PRUNE2: variants seen among roughly 807,000 people sequenced by gnomAD.
PRUNE2 encodes the protein protein prune homolog 2.
A neutral mutation model predicts 252.0 loss-of-function variants in PRUNE2; 164 were observed. The observed-to-expected ratio is 0.65, with a 90% CI of 0.57 to 0.74. The LOEUF is 0.74. Ranked by LOEUF, PRUNE2 falls within the 30% of genes least tolerant of loss-of-function variation. PRUNE2 has a pLI of 0.00. For missense variants in PRUNE2, 3,495 were observed against 3,711.0 expected (o/e 0.94, Z 1.51); for synonymous variants, 1,292 against 1,350.2 (o/e 0.96, Z 0.94).
chr9:76,789,994 G>A (rs1230550401), intron 6 of PRUNE2, among the ~76,000 whole-genome samples: 1 of 152,168 alleles, frequency 6.6e-6, no homozygotes, highest in Non-Finnish European at 1.5e-5. Flanking sequence ...AAAGGTAGTA[G>A]GGGTGGGGCC....
chr9:76,817,235 T>A (rs181569466), intron 6 of PRUNE2, among the ~76,000 whole-genome samples: 1 of 152,246 alleles, frequency 6.6e-6, no homozygotes, highest in Non-Finnish European at 1.5e-5. Flanking sequence ...TTCTAATTAG[T>A]CTTGCATGCT....
intron 1 of PRUNE2, among the ~76,000 whole-genome samples, chr9:76,867,149 AC>A (rs1430637391): frequency 1.3e-5 from 2 of 151,956 alleles, no homozygotes; most frequent in Non-Finnish European, 2.9e-5. Context: ...CATCCCACGC[AC>A]CTTTCTCCTC....
Position 76,848,278 on chromosome 9 carries a change from G to C in PRUNE2, c.345-1600C>G, listed in dbSNP as rs115701338. Among the ~76,000 whole-genome samples the C allele has an allele frequency of 8.8e-3, 1,335 of 152,194 alleles. 21 individuals carry two copies. Among genetic ancestry groups the C allele is most frequent in the African/African-American group, 0.03 (1,244 of 41,542 alleles). On this transcript the variant is annotated intron_variant, in intron 3 of 18. Transcript: ENST00000376718. ...GAATCCATCTCAAAAAAAGAAAAAA[G>C]AAATAGTTAACATGTAAATTTAGTC...
intron 11 of PRUNE2, among the ~76,000 whole-genome samples, chr9:76,646,130 G>C (rs1188523901): frequency 6.6e-6 from 1 of 152,152 alleles, no homozygotes; most frequent in African/African-American, 2.4e-5. Context: ...CAAAGAGACT[G>C]TGAGTCCCCT....
chr9:76,625,887 G>C (rs1269380567), intron 16 of PRUNE2, among the ~76,000 whole-genome samples: 1 of 152,036 alleles, frequency 6.6e-6, no homozygotes, highest in African/African-American at 2.4e-5. Context: ...TCCAAGCATA[G>C]GGCTGAAATA....
intron 6 of PRUNE2, among the ~76,000 whole-genome samples, chr9:76,810,216 C>G (rs929439494): frequency 6.6e-6 from 1 of 152,166 alleles, no homozygotes; most frequent in Admixed American, 6.5e-5. Context: ...TGTCATGAAC[C>G]ACCTTTTCTA....
intron 6 of PRUNE2, among the ~76,000 whole-genome samples, chr9:76,810,543 G>A (rs1241543841): frequency 2.0e-5 from 3 of 152,102 alleles, no homozygotes; most frequent in African/African-American, 7.2e-5. Flanking sequence ...TCCACCACTA[G>A]GCGACACCAC....
In PRUNE2 at chr9:76,652,680, G is replaced by A. The variant is rs1847888647; in HGVS notation, c.8360C>T (p.Pro2787Leu). The change falls in exon 11 of 19, where the codon CCT (proline) becomes CTT (leucine). Residue 2787 changes from proline to leucine, a missense_variant. Coordinates refer to ENST00000376718, the MANE Select transcript of PRUNE2 (RefSeq NM_015225.3). Reference protein sequence around the residue: ...SPSAADMRPEPPNSLDLNDTH... With the variant: ...SPSAADMRPELPNSLDLNDTH... The stretch of plus-strand genomic sequence containing the variant: ...GTCATTAAGATCCAGAGAATTAGGA[G>A]GTTCTAAAGAAGAAAGAGAACAGCA... 2 of 1,605,004 alleles carry A rather than the reference G, an allele frequency of 1.2e-6. No individual in the cohort carries two copies. The highest frequency in any genetic ancestry group is 1.7e-6 in the Non-Finnish European group (2 of 1,172,198).
chr9:76,645,659 C>A (rs979236547), intron 11 of PRUNE2, among the ~76,000 whole-genome samples: 6 of 151,786 alleles, frequency 4.0e-5, no homozygotes, highest in Admixed American at 2.6e-4. Flanking sequence ...AAAAAAGTAA[C>A]CATTTTTATT....
At chr9:76,898,557 GTATT>G (rs1204310505) in intron 1 of PRUNE2, among the ~76,000 whole-genome samples, 6 of 152,142 alleles carry the variant, frequency 3.9e-5, no homozygotes, top group African/African-American at 1.4e-4. Context: ...ATTATAAGAT[GTATT>G]TATTTATTCT....
At chr9:76,891,568 C>T (rs1046025019) in intron 1 of PRUNE2, among the ~76,000 whole-genome samples, 7 of 152,200 alleles carry the variant, frequency 4.6e-5, no homozygotes, top group Non-Finnish European at 7.3e-5. Flanking sequence ...AAGCTTGATG[C>T]GTATGTTTTC....
intron 8 of PRUNE2, among the ~76,000 whole-genome samples, chr9:76,704,460 G>T (rs1276580831): frequency 6.6e-6 from 1 of 152,114 alleles, no homozygotes; most frequent in African/African-American, 2.4e-5. Context: ...CCTGACATCA[G>T]GTGATCCCCC....
chr9:76,657,187 C>T (rs1177205027), intron 9 of PRUNE2, among the ~76,000 whole-genome samples: 2 of 152,210 alleles, frequency 1.3e-5, no homozygotes, highest in African/African-American at 2.4e-5. Context: ...TCAAACTTCT[C>T]GTACCTGTCA....
chr9:76,651,641 T>C (rs1349620057), intron 11 of PRUNE2, among the ~76,000 whole-genome samples: 1 of 152,214 alleles, frequency 6.6e-6, no homozygotes, highest in Non-Finnish European at 1.5e-5. Flanking sequence ...TACATATTTC[T>C]TAAACCAGAT....
intron 16 of PRUNE2, chr9:76,625,163 A>G (rs1834138581): frequency 4.4e-6 from 3 of 675,688 alleles, no homozygotes; most frequent in Non-Finnish European, 7.0e-6. Context: ...GAAAATGCCT[A>G]TCCAGATACA....
chr9:76,853,845 T>C (rs1469594740), intron 2 of PRUNE2, among the ~76,000 whole-genome samples: 1 of 152,256 alleles, frequency 6.6e-6, no homozygotes, highest in East Asian at 1.9e-4. Flanking sequence ...CTTTAAATGT[T>C]TTATTTGAAA....
intron 4 of PRUNE2, among the ~76,000 whole-genome samples, chr9:76,836,777 T>G (rs2059005509): frequency 6.6e-6 from 1 of 152,208 alleles, no homozygotes; most frequent in African/African-American, 2.4e-5. Flanking sequence ...TGGTCATAGA[T>G]GAGTCACCTG....
At chr9:76,832,669 A>C (rs1221067522) in intron 4 of PRUNE2, among the ~76,000 whole-genome samples, 2 of 152,108 alleles carry the variant, frequency 1.3e-5, no homozygotes, top group Admixed American at 1.3e-4. Context: ...AAAAGGTAGA[A>C]GGACAAATAT....
intron 1 of PRUNE2, among the ~76,000 whole-genome samples, chr9:76,874,781 T>A (rs940847533): frequency 2.0e-5 from 3 of 152,118 alleles, no homozygotes; most frequent in Admixed American, 6.6e-5. Context: ...AAGAAATTTC[T>A]TAAAAGGGTA....
Sources: gnomAD v4.1 joint callset for allele counts (sites outside exome capture counted in the v4.1 genomes callset) on GRCh38, gnomAD v4.1.1 for gene constraint, MANE v1.5 for transcripts, NCBI Gene and HGNC (gene_info 2026-07-23, HGNC 2026-07-21) for gene names.